The following SLC36A1 variants were observed in gnomAD, a reference collection of about 807,000 sequenced individuals.
The protein encoded by SLC36A1 is solute carrier family 36 member 1.
Under a neutral mutation model 47.5 loss-of-function variants are expected in SLC36A1, and 30 were observed. That is an observed-to-expected ratio of 0.63 (90% CI 0.47 to 0.86). The LOEUF is 0.86. Ranked by LOEUF, SLC36A1 falls within the 40% of genes least tolerant of loss-of-function variation. The pLI is 0.00. For synonymous variants in SLC36A1, 255 were observed against 249.7 expected (o/e 1.02, Z -0.20); for missense variants, 517 against 606.0 (o/e 0.85, Z 1.54).
the SLC36A1 span, among the ~76,000 whole-genome samples, chr5:151,421,855 G>T: frequency 6.6e-6 from 1 of 152,168 alleles, no homozygotes; most frequent in South Asian, 2.1e-4. Flanking sequence ...CTCCCAAAGT[G>T]CTGGGATTAC....
chr5:151,421,215 T>TCCTTCCTTCCTTCCTTCCTC, the SLC36A1 span, among the ~76,000 whole-genome samples: 30 of 142,756 alleles, frequency 2.1e-4, no homozygotes, highest in Non-Finnish European at 3.8e-4. Context: ...CTTCCTTCCT[T>TCCTTCCTTCCTTCCTTCCTC]CCTCCCTTTC....
At chr5:151,363,376 A>G in the SLC36A1 span, among the ~76,000 whole-genome samples, 5 of 152,170 alleles carry the variant, frequency 3.3e-5, no homozygotes, top group African/African-American at 4.8e-5. Flanking sequence ...GAGGGTTGCC[A>G]TGAATATGGA....
chr5:151,492,911 C>T (rs188698834), downstream of SLC36A1, among the ~76,000 whole-genome samples: 1 of 152,324 alleles, frequency 6.6e-6, no homozygotes, highest in Non-Finnish European at 1.5e-5. Context: ...TGCCTACAGG[C>T]CTGCCCTATG....
At chr5:151,363,837 A>C in the SLC36A1 span, among the ~76,000 whole-genome samples, 337 of 152,296 alleles carry the variant, frequency 2.2e-3, no homozygotes, top group African/African-American at 7.7e-3. Context: ...GAACCACAAG[A>C]GATCACTTTT....
the SLC36A1 span, chr5:151,528,146 A>C: frequency 2.5e-6 from 4 of 1,612,786 alleles, no homozygotes; most frequent in South Asian, 4.4e-5. Context: ...GCGGTGGGGT[A>C]GGGGGATTGT....
At chr5:151,458,353 A>G (rs1015740761) in intron 1 of SLC36A1, among the ~76,000 whole-genome samples, 1 of 107,566 alleles carries the variant, frequency 9.3e-6, no homozygotes, top group Non-Finnish European at 1.9e-5. Context: ...ATATATATAT[A>G]TATACACACA....
chr5:151,409,724 A>G, the SLC36A1 span, among the ~76,000 whole-genome samples: 1 of 152,172 alleles, frequency 6.6e-6, no homozygotes, highest in African/African-American at 2.4e-5. Flanking sequence ...GAGTAGTTCA[A>G]TTGCGCTGGT....
the SLC36A1 span, chr5:151,522,026 C>G: frequency 6.2e-7 from 1 of 1,612,706 alleles, no homozygotes; most frequent in South Asian, 1.1e-5. Context: ...TGGCTCTGCT[C>G]TGTGACATGG....
the SLC36A1 span, chr5:151,521,721 C>T: frequency 4.3e-5 from 69 of 1,613,918 alleles, no homozygotes; most frequent in Non-Finnish European, 5.6e-5. Context: ...GCAGAGCCTC[C>T]TGCCCCACAT....
intron 2 of SLC36A1, among the ~76,000 whole-genome samples, chr5:151,462,365 T>C (rs536441589): frequency 6.8e-6 from 1 of 147,036 alleles, no homozygotes; most frequent in Non-Finnish European, 1.5e-5. Context: ...ACCAATGGAT[T>C]TTTTTTTTCT....
At chr5:151,404,585 T>A in the SLC36A1 span, among the ~76,000 whole-genome samples, 3 of 152,308 alleles carry the variant, frequency 2.0e-5, 1 homozygote, top group East Asian at 5.8e-4. Flanking sequence ...CCCTTAAAGA[T>A]TTCTTTTGAG....
the SLC36A1 span, among the ~76,000 whole-genome samples, chr5:151,411,907 A>G: frequency 2.1e-5 from 3 of 144,938 alleles, no homozygotes; most frequent in African/African-American, 7.5e-5. Context: ...ACTATTTTAA[A>G]TAGGAGAAAT....
chr5:151,487,853 G>A, intron 10 of SLC36A1, 130 bp from the exon 11 acceptor site: 1 of 1,112,866 alleles, frequency 9.0e-7, no homozygotes, highest in Non-Finnish European at 1.3e-6. Flanking sequence ...GATTGAACTG[G>A]ACAATGTCTA....
the SLC36A1 span, among the ~76,000 whole-genome samples, chr5:151,372,938 G>A: frequency 6.6e-6 from 1 of 152,232 alleles, no homozygotes; most frequent in East Asian, 1.9e-4. Flanking sequence ...AGATGAAGAA[G>A]ACAGAATGTG....
chr5:151,383,948 C>G, the SLC36A1 span, among the ~76,000 whole-genome samples: 2 of 151,998 alleles, frequency 1.3e-5, no homozygotes, highest in African/African-American at 4.8e-5. Flanking sequence ...ATTAGTTCAC[C>G]TTCTCTGTGA....
At chr5:151,441,376 A>G (rs1752619589) in intron 1 of SLC36A1, among the ~76,000 whole-genome samples, 1 of 152,240 alleles carries the variant, frequency 6.6e-6, no homozygotes, top group African/African-American at 2.4e-5. Flanking sequence ...AAGAGGTTGT[A>G]TTTAATGTAT....
the SLC36A1 span, chr5:151,544,341 C>A: frequency 4.3e-6 from 7 of 1,614,146 alleles, no homozygotes; most frequent in Non-Finnish European, 5.9e-6. Flanking sequence ...TGACATCCTC[C>A]ACTAGGACTT....
the SLC36A1 span, among the ~76,000 whole-genome samples, chr5:151,536,307 G>A: frequency 6.6e-6 from 1 of 152,136 alleles, no homozygotes; most frequent in Non-Finnish European, 1.5e-5. Flanking sequence ...TAACCTGCCT[G>A]GGTCCCTCTG....
the SLC36A1 span, among the ~76,000 whole-genome samples, chr5:151,373,265 TA>T: frequency 2.2e-4 from 33 of 149,904 alleles, no homozygotes; most frequent in Non-Finnish European, 3.3e-4. Context: ...AGACCTCGTC[TA>T]AAAAAAAAGT....
Sources: allele counts gnomAD v4.1 joint callset (sites outside exome capture counted in the v4.1 genomes callset), GRCh38; gene constraint gnomAD v4.1.1; transcripts MANE v1.5; gene names NCBI Gene and HGNC (gene_info 2026-07-23, HGNC 2026-07-21).